Variants in CTSF observed in about 807,000 individuals in gnomAD.
CTSF encodes the protein cathepsin F.
Under a neutral mutation model 63.5 loss-of-function variants are expected in CTSF, and 65 were observed. The observed-to-expected ratio is 1.02, with a 90% CI of 0.84 to 1.26. The LOEUF is 1.26. CTSF is among the 50% of genes most tolerant of loss of function. CTSF has a pLI of 0.00. For missense variants in CTSF, 641 were observed against 631.0 expected (o/e 1.02, Z -0.17); for synonymous variants, 256 against 258.1 (o/e 0.99, Z 0.08).
Position 66,563,764 on chromosome 11 carries a change from G to C in CTSF, c.*169C>G, listed in dbSNP as rs538579602. 2.9e-5 allele frequency: 22 copies of C among 751,938 alleles called. No individual in the cohort carries two copies. In the African/African-American group the frequency reaches 3.0e-4, roughly 10 times the overall value. 46.6% of individuals were successfully genotyped at this position (751,938 alleles called of 1,614,324 possible). A position where few individuals can be genotyped will look rare whatever the true frequency, so the allele number is the denominator to read the frequency against. Reference sequence around the variant, plus strand: ...TGCAGAACTTCAGGGTGGGAATGGGGTGCAGGGAAGCAGGGGCTGTGCCCC... The same window carrying C: ...TGCAGAACTTCAGGGTGGGAATGGGCTGCAGGGAAGCAGGGGCTGTGCCCC... On this transcript the variant is annotated 3_prime_UTR_variant, in exon 13 of 13. Transcript: ENST00000310325.
chr11:66,566,899 T>TA (rs1327363922), intron 4 of CTSF, among the ~76,000 whole-genome samples: 3 of 150,744 alleles, frequency 2.0e-5, no homozygotes, highest in African/African-American at 7.3e-5. Flanking sequence ...ATTTTTGTAC[T>TA]TTTTTTTTAG....
Position 66,568,413 on chromosome 11 carries a change from C to G in CTSF, c.74G>C (p.Arg25Pro). ...PGAVAAPAQP[R>P]AASFQAWGPP... ...CCCCCAGGCCTGAAAGCTGGCGGCTCGGGGCTGGGCGGGGGCGGCCACTGC... is the reference window on the plus strand; with the variant it reads ...CCCCCAGGCCTGAAAGCTGGCGGCTGGGGGCTGGGCGGGGGCGGCCACTGC... Residue 25 changes from arginine (R) to proline (P), a missense_variant, in exon 1 of 13, where the codon CGA (arginine) becomes CCA (proline). Coordinates refer to ENST00000310325, the MANE Select transcript of CTSF (RefSeq NM_003793.4). The G allele has an allele frequency of 7.5e-7, 1 of 1,334,406 alleles. No homozygotes were observed. Among genetic ancestry groups the G allele is most frequent in the Non-Finnish European group, 9.5e-7 (1 of 1,051,478 alleles). 82.7% of individuals were successfully genotyped at this position (1,334,406 alleles called of 1,614,324 possible).
chr11:66,564,339 G>A (rs1857878334), intron 11 of CTSF, 193 bp from the exon 12 acceptor site: 7 of 787,322 alleles, frequency 8.9e-6, no homozygotes, highest in African/African-American at 5.3e-5. Flanking sequence ...GCACCCACCC[G>A]CCTATTGCAG....
chr11:66,566,417 G>C lies in CTSF; in HGVS notation c.608-13C>G. 1 of 1,613,056 alleles carries C rather than the reference G, an allele frequency of 6.2e-7. No homozygotes were observed. Reference sequence around the variant, plus strand: ...CGCCACCGGGCTTCTGAGGACCAAGGAGCAGAAGAGGAGGGGTTCGACCCC... The same window carrying C: ...CGCCACCGGGCTTCTGAGGACCAAGCAGCAGAAGAGGAGGGGTTCGACCCC... On this transcript the variant is annotated splice_polypyrimidine_tract_variant and intron_variant, in intron 4 of 12. Transcript: ENST00000310325.
rs150926626 is a variant in CTSF at position 66,567,441 on chromosome 11, C to T, written c.531+3G>A. ...AGGGCTCCTCAAGCTGAGGGCTCCTCACCTGGGACAGGGGATCCTCATTCA... is the reference window on the plus strand; with the variant it reads ...AGGGCTCCTCAAGCTGAGGGCTCCTTACCTGGGACAGGGGATCCTCATTCA... On this transcript the variant is annotated splice_donor_region_variant and intron_variant, in intron 3 of 12. Transcript: ENST00000310325. The T allele has an allele frequency of 1.1e-5, 18 of 1,613,896 alleles. No homozygotes were observed. The highest frequency in any genetic ancestry group is 6.6e-5 in the South Asian group (6 of 91,082).
At chr11:66,567,161 T>G in intron 4 of CTSF, 85 bp downstream of exon 4, 2 of 1,388,942 alleles carry the variant, frequency 1.4e-6, no homozygotes, top group Non-Finnish European at 2.0e-6. Context: ...GCCTCTTGTC[T>G]TTCTCCTCCC....
chr11:66,566,894 T>C (rs1857944130), intron 4 of CTSF, among the ~76,000 whole-genome samples: 1 of 152,064 alleles, frequency 6.6e-6, no homozygotes, highest in African/African-American at 2.4e-5. Flanking sequence ...GGCTAATTTT[T>C]GTACTTTTTT....
chr11:66,565,607 G>C, intron 8 of CTSF, 64 bp downstream of exon 8: 1 of 1,597,962 alleles, frequency 6.3e-7, no homozygotes, highest in Middle Eastern at 2.1e-4. Context: ...CCCCCATTAT[G>C]AAGTAACTTC....
In CTSF at chr11:66,565,937, A is replaced by G; in HGVS notation, c.868-10T>C. 6.2e-7 allele frequency: 1 copy of G among 1,614,060 alleles called. No homozygotes were observed. The highest frequency in any genetic ancestry group is 8.5e-7 in the Non-Finnish European group (1 of 1,180,014). ...AGGAGCCACACATGCCCTACAAGAGATGGGTGGAGTTGGAGTCAGAGCCGG... is the reference window on the plus strand; with the variant it reads ...AGGAGCCACACATGCCCTACAAGAGGTGGGTGGAGTTGGAGTCAGAGCCGG... On this transcript the variant is annotated splice_polypyrimidine_tract_variant and intron_variant, in intron 6 of 12. Coordinates refer to ENST00000310325, the MANE Select transcript of CTSF (RefSeq NM_003793.4).
chr11:66,566,723 GCTT>G (rs1170184315), intron 4 of CTSF, among the ~76,000 whole-genome samples: 8 of 151,422 alleles, frequency 5.3e-5, no homozygotes, highest in African/African-American at 7.3e-5. Flanking sequence ...GAGATGCAGA[GCTT>G]CTTTTTTTTT....
chr11:66,564,326 C>G, intron 11 of CTSF, 180 bp from the exon 12 acceptor site: 1 of 831,772 alleles, frequency 1.2e-6, no homozygotes, highest in East Asian at 2.7e-5. Context: ...AGGGAGGAAG[C>G]ACGCACCCAC....
rs375562245 is a variant in CTSF, at chr11:66,566,363, G to A, written c.649C>T (p.Arg217Ter). 7 of 1,613,998 alleles carry A rather than the reference G, an allele frequency of 4.3e-6. No homozygotes were observed. The highest frequency in any genetic ancestry group is 5.1e-6 in the Non-Finnish European group (6 of 1,180,030). ...RLSVFVNNMVRAQKIQALDRG... is the reference protein window; with the variant it reads ...RLSVFVNNMV ...TCCAGGGCCTGGATCTTCTGTGCTC[G>A]CACCATGTTATTGACAAAGACGGAC... The change falls in exon 5 of 13, where the codon CGA (arginine) becomes TGA (stop). Residue 217 changes from arginine (R) to a stop codon, truncating the protein, a stop_gained. Transcript: ENST00000310325. LOFTEE classifies it high-confidence loss of function.
chr11:66,565,593 C>T, intron 8 of CTSF, 78 bp downstream of exon 8: 1 of 1,581,370 alleles, frequency 6.3e-7, no homozygotes, highest in Non-Finnish European at 8.7e-7. Context: ...ATGCTCATGT[C>T]TCCCCCCCAT....
chr11:66,567,500 T>G lies in CTSF; in HGVS notation c.475A>C (p.Arg159=). ...ATGACTGAGCTGAAAGTCTCGTTTC[T>G]GTTGTCTGGATGGTTTTGGGACAGA... ...SSLSQNHPDN[R]NETFSSVISL... The change falls in exon 3 of 13, where the codon AGA becomes CGA. Residue 159 remains arginine, a synonymous_variant. Transcript: ENST00000310325. The G allele has an allele frequency of 6.2e-7, 1 of 1,614,194 alleles. No homozygotes were observed. Among genetic ancestry groups the G allele is most frequent in the African/African-American group, 1.3e-5 (1 of 75,042 alleles).
At chr11:66,567,395 A>T in intron 3 of CTSF, 49 bp downstream of exon 3, 1 of 1,613,162 alleles carries the variant, frequency 6.2e-7, no homozygotes, top group South Asian at 1.1e-5. Context: ...GTGATGAGGC[A>T]GCGGCTGGCT....
chr11:66,567,122 G>A (rs1034752575), intron 4 of CTSF, 124 bp downstream of exon 4: 18 of 998,360 alleles, frequency 1.8e-5, no homozygotes, highest in Admixed American at 1.1e-4. Flanking sequence ...GAGAGCTCAG[G>A]AATTATGGGG....
Position 66,566,398 on chromosome 11 carries a change from C to A in CTSF, c.614G>T (p.Arg205Leu), listed in dbSNP as rs142782021. ...ATTGACAAAGACGGACAGGCGCCACCGGGCTTCTGAGGACCAAGGAGCAGA... is the reference window on the plus strand; with the variant it reads ...ATTGACAAAGACGGACAGGCGCCACAGGGCTTCTGAGGACCAAGGAGCAGA... ...NRTYESKEEA[R>L]WRLSVFVNNM... The change falls in exon 5 of 13, where the codon CGG (arginine) becomes CTG (leucine). Residue 205 changes from arginine to leucine, a missense_variant. Transcript: ENST00000310325. 245 of 1,613,942 alleles carry A rather than the reference C, an allele frequency of 1.5e-4. No homozygotes were observed. The African/African-American group carries it at 3.1e-3, about 21-fold the overall frequency.
chr11:66,568,149 G>A, intron 1 of CTSF, 67 bp from the exon 2 acceptor site: 4 of 1,567,310 alleles, frequency 2.6e-6, no homozygotes, highest in South Asian at 1.1e-5. Flanking sequence ...CCGCCCGTGC[G>A]GCGCTGCCCA....
intron 10 of CTSF, 29 bp from the exon 11 acceptor site, chr11:66,564,677 A>T: frequency 6.2e-7 from 1 of 1,612,440 alleles, no homozygotes; most frequent in Admixed American, 1.7e-5. Context: ...TAGGGGATCG[A>T]CTCCAAGAAG....
Sources: allele counts gnomAD v4.1 joint callset (sites outside exome capture counted in the v4.1 genomes callset), GRCh38; gene constraint gnomAD v4.1.1; transcripts MANE v1.5; gene names NCBI Gene and HGNC (gene_info 2026-07-23, HGNC 2026-07-21).